The following CATSPERQ variants were observed in gnomAD, a reference collection of about 807,000 sequenced individuals.
CATSPERQ encodes the protein catsper channel auxiliary subunit theta, also known as cation channel sperm-associated auxiliary subunit theta.
the CATSPERQ span, chr8:144,354,137 C>T: frequency 1.6e-5 from 25 of 1,534,702 alleles, no homozygotes; most frequent in Non-Finnish European, 2.1e-5. The surrounding 1 kb of genome is among the most constrained non-coding windows in gnomAD (Gnocchi z 4.6). Context: ...ACCCAGGTCT[C>T]TTGCTTCTGC....
the CATSPERQ span, chr8:144,353,640 C>A: frequency 1.4e-6 from 2 of 1,451,676 alleles, no homozygotes; most frequent in Non-Finnish European, 9.2e-7. Context: ...GAAGCCCCGG[C>A]GCCCTCTCCA....
At chr8:144,354,423 G>A in the CATSPERQ span, 3 of 1,377,848 alleles carry the variant, frequency 2.2e-6, no homozygotes, top group Admixed American at 5.0e-5. This position sits in a 1 kb window ranked among gnomAD's most constrained non-coding sequence, Gnocchi z 4.6. Flanking sequence ...CTGGGTCCGC[G>A]CAGGGCTCGC....
At chr8:144,353,368 G>T in the CATSPERQ span, 2 of 1,534,576 alleles carry the variant, frequency 1.3e-6, no homozygotes, top group African/African-American at 2.7e-5. Context: ...AGGCTGGACT[G>T]AGAGGAGCTG....
chr8:144,354,766 A>G, the CATSPERQ span: 1 of 1,534,850 alleles, frequency 6.5e-7, no homozygotes, highest in South Asian at 1.2e-5. The surrounding 1 kb of genome is among the most constrained non-coding windows in gnomAD (Gnocchi z 4.6). Flanking sequence ...GCCCTTAGGC[A>G]TCTGAGTCAG....
At chr8:144,353,347 G>A in the CATSPERQ span, 9 of 1,528,944 alleles carry the variant, frequency 5.9e-6, no homozygotes, top group African/African-American at 6.9e-5. Flanking sequence ...GGCCCTCAGA[G>A]TCACACCTCC....
chr8:144,354,487 C>A, the CATSPERQ span: 3 of 1,344,106 alleles, frequency 2.2e-6, no homozygotes, highest in East Asian at 8.2e-5. The surrounding 1 kb of genome is among the most constrained non-coding windows in gnomAD (Gnocchi z 4.6). Context: ...CGGCCGGCCC[C>A]ACCCAGGGCC....
chr8:144,354,554 C>CACCAA, the CATSPERQ span: 1 of 924,978 alleles, frequency 1.1e-6, no homozygotes, highest in Non-Finnish European at 1.6e-6. The surrounding 1 kb of genome is among the most constrained non-coding windows in gnomAD (Gnocchi z 4.6). Context: ...GCCCGTCTCC[C>CACCAA]TCCTCCCCCG....
chr8:144,354,575 C>CTAA, the CATSPERQ span: 1 of 450,470 alleles, frequency 2.2e-6, no homozygotes, highest in Non-Finnish European at 3.7e-6. This position sits in a 1 kb window ranked among gnomAD's most constrained non-coding sequence, Gnocchi z 4.6. Flanking sequence ...CCCCGCCCTT[C>CTAA]CCAGCCCCGC....
At chr8:144,354,921 G>A in the CATSPERQ span, 2 of 1,285,192 alleles carry the variant, frequency 1.6e-6, no homozygotes, top group Non-Finnish European at 2.1e-6. This position sits in a 1 kb window ranked among gnomAD's most constrained non-coding sequence, Gnocchi z 4.6. Context: ...AGCGAGGCCA[G>A]GGAGCGGCCC....
chr8:144,354,447 C>T, the CATSPERQ span: 4 of 1,310,842 alleles, frequency 3.1e-6, no homozygotes, highest in Non-Finnish European at 2.0e-6. The surrounding 1 kb of genome is among the most constrained non-coding windows in gnomAD (Gnocchi z 4.6). Context: ...GGCGACGTCT[C>T]GCCTGCGGCC....
At chr8:144,353,834 G>A in the CATSPERQ span, 2 of 1,535,416 alleles carry the variant, frequency 1.3e-6, no homozygotes, top group Non-Finnish European at 1.7e-6. Flanking sequence ...TGGCCGCCGA[G>A]GACCAGGTGG....
the CATSPERQ span, chr8:144,353,757 G>T: frequency 2.6e-6 from 4 of 1,534,832 alleles, no homozygotes; most frequent in South Asian, 4.8e-5. Flanking sequence ...TGAGGAGGGC[G>T]CGTGTCTGGG....
the CATSPERQ span, chr8:144,353,414 G>C: frequency 6.5e-7 from 1 of 1,535,762 alleles, no homozygotes; most frequent in East Asian, 2.4e-5. Context: ...CCATCACAGT[G>C]CCAGCGCCAG....
the CATSPERQ span, chr8:144,353,725 A>G: frequency 6.5e-7 from 1 of 1,529,628 alleles, no homozygotes; most frequent in Middle Eastern, 1.7e-4. Context: ...GACCTTAAAC[A>G]GTGATCGGTG....
the CATSPERQ span, chr8:144,353,510 G>A: frequency 2.0e-5 from 30 of 1,535,026 alleles, no homozygotes; most frequent in Non-Finnish European, 2.5e-5. Context: ...CGATGTAACG[G>A]CCCAAGTATT....
the CATSPERQ span, chr8:144,354,291 C>G: frequency 2.6e-6 from 4 of 1,534,486 alleles, no homozygotes; most frequent in Non-Finnish European, 2.6e-6. The surrounding 1 kb of genome is among the most constrained non-coding windows in gnomAD (Gnocchi z 4.6). Context: ...AGAGCAGCAT[C>G]CCCTTCCACA....
chr8:144,354,557 C>CG, the CATSPERQ span: 22 of 751,300 alleles, frequency 2.9e-5, no homozygotes, highest in Non-Finnish European at 4.4e-5. The surrounding 1 kb of genome is among the most constrained non-coding windows in gnomAD (Gnocchi z 4.6). Context: ...CGTCTCCCTC[C>CG]TCCCCCGCCC....
chr8:144,353,237 G>A, the CATSPERQ span: 61 of 1,322,406 alleles, frequency 4.6e-5, no homozygotes, highest in Non-Finnish European at 5.9e-5. Context: ...GGAAGCTGAG[G>A]CAGCTTTATT....
chr8:144,353,494 T>G, the CATSPERQ span: 1 of 1,535,756 alleles, frequency 6.5e-7, no homozygotes, highest in East Asian at 2.4e-5. Flanking sequence ...ATGTTGAGTT[T>G]CCGGGCGATG....
Sources: gnomAD v4.1 joint callset for allele counts on GRCh38, gnomAD v4.1.1 for gene constraint, Gnocchi (gnomAD v3.1) non-coding constraint, MANE v1.5 for transcripts, NCBI Gene and HGNC (gene_info 2026-07-23, HGNC 2026-07-21) for gene names.